The following TTC7A variants were observed in gnomAD, a reference collection of about 807,000 sequenced individuals.
TTC7A encodes tetratricopeptide repeat protein 7A.
TTC7A carries 110 observed loss-of-function variants against 103.7 expected under a neutral mutation model. The observed-to-expected ratio is 1.06, with a 90% CI of 0.91 to 1.24. The LOEUF is 1.24. TTC7A is among the 50% of genes most tolerant of loss of function. The pLI is 0.00. For synonymous variants in TTC7A, 521 were observed against 467.9 expected, an observed-to-expected ratio of 1.11 and a Z score of -1.47; for missense variants, 1,340 against 1,116.3, an observed-to-expected ratio of 1.20 and a Z score of -2.86.
intron 11 of TTC7A, among the ~76,000 whole-genome samples, chr2:47,012,845 G>A (rs536379696): frequency 6.6e-6 from 1 of 152,322 alleles, no homozygotes; most frequent in East Asian, 1.9e-4. Flanking sequence ...TGTGTCTGAA[G>A]TGCCCCATCC....
At chr2:46,930,882 A>G (rs1409079234) in intron 2 of TTC7A, among the ~76,000 whole-genome samples, 1 of 152,210 alleles carries the variant, frequency 6.6e-6, no homozygotes, top group African/African-American at 2.4e-5. Flanking sequence ...ATAATGCTTT[A>G]TATGAACTCT....
At chr2:47,041,006 C>G (rs1681680973) in intron 15 of TTC7A, among the ~76,000 whole-genome samples, 1 of 152,184 alleles carries the variant, frequency 6.6e-6, no homozygotes, top group African/African-American at 2.4e-5. Flanking sequence ...GGTATTCAGG[C>G]GTTTCGATCA....
intron 8 of TTC7A, among the ~76,000 whole-genome samples, chr2:46,999,213 A>T (rs1313146759): frequency 1.3e-5 from 2 of 151,850 alleles, no homozygotes; most frequent in Middle Eastern, 3.4e-3. Context: ...CCATTCATTC[A>T]TCCGTCTACC....
In TTC7A at chr2:46,947,704, C is replaced by A. The variant is rs887856872; in HGVS notation, c.185-2659C>A. Among the ~76,000 whole-genome samples, 4 of 152,172 alleles carry A rather than the reference C, an allele frequency of 2.6e-5. No homozygotes were observed. The South Asian group carries it at 8.3e-4, about 32-fold the overall frequency. On this transcript the variant is annotated intron_variant, in intron 1 of 19. Transcript: ENST00000319190. ...TGCGCTTCAGCCTGGGTGATAGAGA[C>A]CCTGTCTGAAAATAAATTCCCAATC...
intron 2 of TTC7A, among the ~76,000 whole-genome samples, chr2:46,920,033 A>T (rs1226471005): frequency 1.3e-5 from 2 of 152,198 alleles, no homozygotes; most frequent in Admixed American, 6.5e-5. Context: ...CAGATATACT[A>T]TAAACTGGGG....
At chr2:47,030,916 C>T (rs773903676) in intron 15 of TTC7A, among the ~76,000 whole-genome samples, 1 of 152,196 alleles carries the variant, frequency 6.6e-6, no homozygotes, top group Non-Finnish European at 1.5e-5. Context: ...GAGGCCGAGG[C>T]GGGTGGATCA....
chr2:47,046,372 C>T lies in TTC7A; in HGVS notation c.1860C>T (p.Leu620=), dbSNP rs13427658. 8,772 of 1,614,128 alleles carry T rather than the reference C, an allele frequency of 5.4e-3. 424 individuals carry two copies. The African/African-American group carries it at 0.1, about 19-fold the overall frequency. ...EQVLKGPEEA[L]VTCRQVLRLW... Reference sequence around the variant, plus strand: ...TGCTGAAAGGCCCAGAGGAAGCCCTCGTGACCTGCAGACAAGTGCTGAGGC... The same window carrying T: ...TGCTGAAAGGCCCAGAGGAAGCCCTTGTGACCTGCAGACAAGTGCTGAGGC... Residue 620 remains leucine, a synonymous_variant, in exon 16 of 20, where the codon CTC becomes CTT. Coordinates refer to ENST00000319190, the MANE Select transcript of TTC7A (RefSeq NM_020458.4).
At chr2:46,990,997 C>T (rs1675567254) in intron 5 of TTC7A, among the ~76,000 whole-genome samples, 1 of 152,170 alleles carries the variant, frequency 6.6e-6, no homozygotes, top group African/African-American at 2.4e-5. Context: ...ACTGCAACCT[C>T]AGCCTCCTAG....
At chr2:47,038,193 A>C (rs1016863705) in intron 15 of TTC7A, among the ~76,000 whole-genome samples, 3 of 149,432 alleles carry the variant, frequency 2.0e-5, no homozygotes, top group Admixed American at 6.7e-5. Context: ...CAGGAGGTGG[A>C]GGTTGCAGTG....
Position 47,021,979 on chromosome 2 carries a change from G to A in TTC7A, c.1510G>A (p.Ala504Thr), listed in dbSNP as rs979913493. 6.2e-6 allele frequency: 10 copies of A among 1,607,404 alleles called. No homozygotes were observed. Among genetic ancestry groups the A allele is most frequent in the Non-Finnish European group, 7.7e-6 (9 of 1,174,964 alleles). ...CACCTATAGCCTGCAGGCCACCGAC[G>A]GTGAGTGCCAGGCCCCAGGAGGCCT... Reference protein sequence around the residue: ...GLTYSLQATDATLKSKQDELH... With the variant: ...GLTYSLQATDTTLKSKQDELH... The change falls in exon 12 of 20, where the codon GCC becomes ACC. Residue 504 changes from alanine to threonine, a missense_variant and splice_region_variant. Coordinates refer to ENST00000319190, the MANE Select transcript of TTC7A (RefSeq NM_020458.4).
rs1007745588 is a variant in TTC7A, at chr2:47,051,636, C to T, written c.2018-110C>T. On this transcript the variant is annotated intron_variant, in intron 17 of 19. Transcript: ENST00000319190. ...TGGCTGCCCAGCCGCACCACCCTAC[C>T]CTGATTCAGGGTGCCCTGTCTCCCC... 4.2e-6 allele frequency: 6 copies of T among 1,421,616 alleles called. No individual in the cohort carries two copies. The African/African-American group carries it at 8.5e-5, about 20-fold the overall frequency. 88.1% of individuals were successfully genotyped at this position (1,421,616 alleles called of 1,614,324 possible).
At chr2:47,033,949 A>G (rs2104620257) in intron 15 of TTC7A, among the ~76,000 whole-genome samples, 1 of 152,308 alleles carries the variant, frequency 6.6e-6, no homozygotes, top group East Asian at 1.9e-4. Context: ...CGCCACTCCC[A>G]TACAGGCAGC....
chr2:47,006,957 C>A (rs1040593279), intron 10 of TTC7A, among the ~76,000 whole-genome samples: 1 of 152,268 alleles, frequency 6.6e-6, no homozygotes, highest in African/African-American at 2.4e-5. Flanking sequence ...GGATGCTTTT[C>A]TCTGAGCGTG....
At chr2:46,930,177 C>T (rs1227615683) in intron 2 of TTC7A, among the ~76,000 whole-genome samples, 1 of 151,894 alleles carries the variant, frequency 6.6e-6, no homozygotes, top group Non-Finnish European at 1.5e-5. Context: ...AAAATTAATG[C>T]AGTGGAAAGC....
chr2:47,001,162 C>A (rs772814042), intron 8 of TTC7A, among the ~76,000 whole-genome samples: 7 of 152,188 alleles, frequency 4.6e-5, no homozygotes, highest in Non-Finnish European at 1.0e-4. Context: ...GAACATGCTC[C>A]ACATGGTAGT....
chr2:47,051,777 C>T lies in TTC7A; in HGVS notation c.2049C>T (p.Ser683=). 1 of 1,611,262 alleles carries T rather than the reference C, an allele frequency of 6.2e-7. No homozygotes were observed. The stretch of plus-strand genomic sequence containing the variant: ...GGCGGGCTTCGTCCATCGCCGCCTC[C>T]CGGCTGGAGGAGGCCATGTCAGAGC... ...GSRRASSIAA[S]RLEEAMSELT... Residue 683 remains serine, a synonymous_variant, in exon 18 of 20, where the codon TCC becomes TCT. Coordinates refer to ENST00000319190, the MANE Select transcript of TTC7A (RefSeq NM_020458.4).
At chr2:46,971,828 C>A (rs959997738) in intron 3 of TTC7A, among the ~76,000 whole-genome samples, 17 of 151,694 alleles carry the variant, frequency 1.1e-4, no homozygotes. Context: ...ACTGTGTGGG[C>A]ACAAAGATGG....
intron 18 of TTC7A, 97 bp downstream of exon 18, chr2:47,051,977 A>G: frequency 6.9e-7 from 1 of 1,456,160 alleles, no homozygotes; most frequent in Non-Finnish European, 9.2e-7. Flanking sequence ...GGAGGTGGGG[A>G]CACCTTGCTA....
At chr2:46,916,234 A>C in exon 1 of TTC7A, 1 of 914,120 alleles carries the variant, frequency 1.1e-6, no homozygotes, top group Non-Finnish European at 1.3e-6. Context: ...AGGAATGCTA[A>C]TTCCTTCTTG....
Sources: allele counts gnomAD v4.1 joint callset (sites outside exome capture counted in the v4.1 genomes callset), GRCh38; gene constraint gnomAD v4.1.1; transcripts MANE v1.5; gene names NCBI Gene and HGNC (gene_info 2026-07-23, HGNC 2026-07-21).